THRAP3: variants seen among roughly 807,000 people sequenced by gnomAD.
THRAP3 encodes the protein thyroid hormone receptor-associated protein 3.
Under a neutral mutation model 101.0 loss-of-function variants are expected in THRAP3, and 16 were observed. That is an observed-to-expected ratio of 0.16 (90% CI 0.11 to 0.24). The LOEUF (loss-of-function observed/expected upper bound fraction) is 0.24, where lower values mean the gene tolerates loss of function less well. Ranked by LOEUF, THRAP3 falls within the 10% of genes least tolerant of loss-of-function variation. THRAP3 has a pLI of 1.00. For synonymous variants in THRAP3, 407 were observed against 422.6 expected (o/e 0.96, Z 0.45); for missense variants, 989 against 1,202.7 (o/e 0.82, Z 2.63).
At chr1:36,239,568 A>G (rs569773074) in intron 1 of THRAP3, among the ~76,000 whole-genome samples, 69 of 152,278 alleles carry the variant, frequency 4.5e-4, no homozygotes, top group African/African-American at 1.6e-3. Flanking sequence ...TACCTGGCCA[A>G]ACTGGCTTTT....
At chr1:36,233,120 G>A (rs572498198) in intron 1 of THRAP3, among the ~76,000 whole-genome samples, 5 of 151,318 alleles carry the variant, frequency 3.3e-5, no homozygotes, top group African/African-American at 9.7e-5. Flanking sequence ...CTGCCCCCTC[G>A]GCCTCCCAAA....
At chr1:36,227,870 T>C (rs951203465) in intron 1 of THRAP3, among the ~76,000 whole-genome samples, 6 of 151,976 alleles carry the variant, frequency 3.9e-5, no homozygotes, top group Admixed American at 3.9e-4. Flanking sequence ...ATATTCTGCA[T>C]GGCAGGACAC....
chr1:36,255,351 G>A (rs1197663352), intron 1 of THRAP3, among the ~76,000 whole-genome samples: 1 of 151,472 alleles, frequency 6.6e-6, no homozygotes, highest in African/African-American at 2.4e-5. Flanking sequence ...GCCAGGGGCC[G>A]GGTACTGTGG....
the THRAP3 span, among the ~76,000 whole-genome samples, chr1:36,213,993 GAAAGGAAAGAAA>G: frequency 0.016 from 1,302 of 83,550 alleles, 15 homozygotes; most frequent in African/African-American, 0.036. Flanking sequence ...AAGAAAGAAA[GAAAGGAAAGAAA>G]GAAAGAAAGA....
At chr1:36,265,874 C>T (rs890299157) in intron 2 of THRAP3, among the ~76,000 whole-genome samples, 17 of 151,946 alleles carry the variant, frequency 1.1e-4, no homozygotes, top group Non-Finnish European at 4.4e-5. Flanking sequence ...GTGAAATGGT[C>T]CAGATGTGGT....
chr1:36,239,008 A>T (rs934952975), intron 1 of THRAP3, among the ~76,000 whole-genome samples: 1 of 151,822 alleles, frequency 6.6e-6, no homozygotes. Flanking sequence ...ATCTCGGCTC[A>T]CTGCAAGCTC....
rs1421525532 is a variant in THRAP3, at chr1:36,289,508, G to C, written c.1489G>C (p.Glu497Gln). The change falls in exon 5 of 12, where the codon GAG (glutamate) becomes CAG (glutamine). Residue 497 changes from glutamate (E) to glutamine (Q), a missense_variant. Transcript: ENST00000354618. ...TEELEEESFPERSKKEDRGKR... is the reference protein window; with the variant it reads ...TEELEEESFPQRSKKEDRGKR... ...GGAGCTGGAGGAGGAGTCTTTCCCAGAGAGATCCAAAAAGGAAGATCGGGG... is the reference window on the plus strand; with the variant it reads ...GGAGCTGGAGGAGGAGTCTTTCCCACAGAGATCCAAAAAGGAAGATCGGGG... The C allele has an allele frequency of 6.2e-7, 1 of 1,614,058 alleles. No homozygotes were observed. Among genetic ancestry groups the C allele is most frequent in the African/African-American group, 1.3e-5 (1 of 74,922 alleles).
chr1:36,298,423 A>G (rs1645981596), intron 9 of THRAP3, among the ~76,000 whole-genome samples: 1 of 152,198 alleles, frequency 6.6e-6, no homozygotes, highest in Non-Finnish European at 1.5e-5. Context: ...CCTGGAACAC[A>G]TGCCTACCTC....
chr1:36,263,253 C>T (rs184629667), intron 2 of THRAP3, among the ~76,000 whole-genome samples: 2 of 152,156 alleles, frequency 1.3e-5, no homozygotes, highest in African/African-American at 4.8e-5. Flanking sequence ...GCACAAGCCA[C>T]CATGCCCAGT....
chr1:36,293,716 G>T (rs2124624996), intron 7 of THRAP3, 135 bp from the exon 8 acceptor site: 2 of 579,426 alleles, frequency 3.5e-6, no homozygotes, highest in Non-Finnish European at 6.1e-6. Flanking sequence ...AAGAGTAAAA[G>T]TAATAGATAC....
chr1:36,272,417 G>C (rs1004445608), intron 2 of THRAP3, among the ~76,000 whole-genome samples: 2 of 152,186 alleles, frequency 1.3e-5, no homozygotes, highest in Admixed American at 1.3e-4. Context: ...CAGGGATGGG[G>C]TGGAGTATGA....
chr1:36,244,113 A>C (rs886203881), intron 1 of THRAP3, among the ~76,000 whole-genome samples: 1 of 152,192 alleles, frequency 6.6e-6, no homozygotes, highest in African/African-American at 2.4e-5. Flanking sequence ...AAGAATGACC[A>C]AGTGGCCTTG....
chr1:36,268,460 A>G (rs994952944), intron 2 of THRAP3, among the ~76,000 whole-genome samples: 5 of 152,130 alleles, frequency 3.3e-5, no homozygotes, highest in Admixed American at 3.3e-4. Context: ...CCATTCCTTA[A>G]TTGCTGTACT....
chr1:36,259,723 G>T (rs1645420065), intron 2 of THRAP3, among the ~76,000 whole-genome samples: 1 of 148,036 alleles, frequency 6.8e-6, no homozygotes, highest in African/African-American at 2.5e-5. Context: ...CCATGTTCAT[G>T]CCACTGCACT....
At chr1:36,285,849 G>T (rs1057090046) in intron 3 of THRAP3, among the ~76,000 whole-genome samples, 1 of 152,300 alleles carries the variant, frequency 6.6e-6, no homozygotes, top group Non-Finnish European at 1.5e-5. Context: ...CCAAGCCTTA[G>T]TGGTATCTTA....
chr1:36,301,432 C>CAT (rs1646029303), intron 10 of THRAP3, 121 bp from the exon 11 acceptor site: 2 of 1,265,904 alleles, frequency 1.6e-6, no homozygotes, highest in Non-Finnish European at 1.1e-6. Context: ...AGCTGACCAG[C>CAT]ATATGACTGG....
chr1:36,218,414 CAAAAAAAAAAA>C, the THRAP3 span, among the ~76,000 whole-genome samples: 1 of 40,102 alleles, frequency 2.5e-5, no homozygotes, highest in African/African-American at 8.8e-5. Flanking sequence ...GACTCTGTCT[CAAAAAAAAAAA>C]AAAAAAAAAA....
chr1:36,232,514 A>C (rs1645039554), intron 1 of THRAP3, among the ~76,000 whole-genome samples: 1 of 152,128 alleles, frequency 6.6e-6, no homozygotes, highest in Non-Finnish European at 1.5e-5. Flanking sequence ...ATTTATTTTT[A>C]ATCTATCGTG....
chr1:36,289,848 G>A, intron 5 of THRAP3, 84 bp downstream of exon 5: 2 of 1,485,668 alleles, frequency 1.3e-6, no homozygotes, highest in Non-Finnish European at 1.8e-6. Flanking sequence ...ACATTCTGCT[G>A]TATTCCCCCT....
Sources: allele counts gnomAD v4.1 joint callset (sites outside exome capture counted in the v4.1 genomes callset), GRCh38; gene constraint gnomAD v4.1.1; transcripts MANE v1.5; gene names NCBI Gene and HGNC (gene_info 2026-07-23, HGNC 2026-07-21).